KIAA1328: variants seen among roughly 807,000 people sequenced by gnomAD.
KIAA1328 encodes protein hinderin.
In KIAA1328, 52 loss-of-function variants were observed where a neutral mutation model predicts 68.1. That is an observed-to-expected ratio of 0.76 (90% confidence interval 0.61 to 0.96). The LOEUF (loss-of-function observed/expected upper bound fraction) is 0.96. Ranked by LOEUF, KIAA1328 falls within the 40% of genes least tolerant of loss-of-function variation. KIAA1328 has a pLI of 0.00. For synonymous variants in KIAA1328, 232 were observed against 239.4 expected (o/e 0.97, Z 0.28); for missense variants, 641 against 677.6 (o/e 0.95, Z 0.60).
intron 6 of KIAA1328, among the ~76,000 whole-genome samples, chr18:36,982,121 T>G (rs1345304519): frequency 7.3e-6 from 1 of 137,036 alleles, no homozygotes; most frequent in East Asian, 2.0e-4. Context: ...ATATAATATA[T>G]AAATATATTA....
intron 5 of KIAA1328, among the ~76,000 whole-genome samples, chr18:36,891,310 T>G (rs2048678450): frequency 1.3e-5 from 2 of 152,322 alleles, no homozygotes; most frequent in African/African-American, 4.8e-5. Flanking sequence ...GTTTTAATTA[T>G]TTTATTTCAC....
intron 1 of KIAA1328, chr18:36,832,769 A>G (rs1244745051): frequency 6.6e-6 from 1 of 151,600 alleles, no homozygotes; most frequent in Non-Finnish European, 1.5e-5. Flanking sequence ...AAAAATCATT[A>G]CCCTCTTGGT....
intron 7 of KIAA1328, among the ~76,000 whole-genome samples, chr18:37,140,622 A>G (rs1411518773): frequency 6.6e-6 from 1 of 152,194 alleles, no homozygotes; most frequent in Non-Finnish European, 1.5e-5. Context: ...AAATATGGAA[A>G]TAGAGTTCAG....
Position 37,129,537 on chromosome 18 carries a change from T to C in KIAA1328, c.1233-30663T>C, listed in dbSNP as rs181458951. On this transcript the variant is annotated intron_variant, in intron 7 of 9. Transcript: ENST00000280020. ...GTGTACAGGTATGAAACAACTTAAT[T>C]TGTGGCATGATTCTGAGAAATTGAA... Among the ~76,000 whole-genome samples, 246 of 152,302 alleles carry C rather than the reference T, an allele frequency of 1.6e-3. 1 individual carries two copies. Among genetic ancestry groups the C allele is most frequent in the African/African-American group, 5.5e-3 (229 of 41,562 alleles).
chr18:37,143,746 CTT>C (rs1272017450), intron 7 of KIAA1328, among the ~76,000 whole-genome samples: 1 of 151,838 alleles, frequency 6.6e-6, no homozygotes, highest in African/African-American at 2.4e-5. Context: ...TTAATCATAA[CTT>C]TATCAAATGC....
At chr18:37,031,742 C>T (rs958049347) in intron 6 of KIAA1328, among the ~76,000 whole-genome samples, 1 of 152,052 alleles carries the variant, frequency 6.6e-6, no homozygotes, top group African/African-American at 2.4e-5. Flanking sequence ...TTTTCAGTTT[C>T]ATATTTAGGG....
intron 5 of KIAA1328, among the ~76,000 whole-genome samples, chr18:36,906,735 A>T (rs1020563398): frequency 6.6e-6 from 1 of 152,122 alleles, no homozygotes; most frequent in African/African-American, 2.4e-5. Flanking sequence ...TTTGGTAATT[A>T]TGAAAGAGCT....
At position 36,884,516 on chromosome 18, in the gene KIAA1328, T is replaced by TAC. The variant is rs535296838; in HGVS notation, c.333-1041_333-1040insAC. Among the ~76,000 whole-genome samples, 213 of 152,320 alleles carry TAC rather than the reference T, an allele frequency of 1.4e-3. 2 individuals carry two copies. The highest frequency in any genetic ancestry group is 5.0e-3 in the African/African-American group (206 of 41,584). ...CATTCATGATTCTAATTTTCAGTTATCCTGTTGATTTCAATATCTCTAACA... is the reference window on the plus strand; with the variant it reads ...CATTCATGATTCTAATTTTCAGTTATACCCTGTTGATTTCAATATCTCTAACA... On this transcript the variant is annotated intron_variant, in intron 4 of 9. Transcript: ENST00000280020.
chr18:37,229,703 T>C, downstream of KIAA1328: 1 of 375,910 alleles, frequency 2.7e-6, no homozygotes, highest in Non-Finnish European at 4.8e-6. Flanking sequence ...TGAAACCCCA[T>C]CTCTGTATTT....
At chr18:37,214,797 T>C (rs1267600602) in intron 9 of KIAA1328, among the ~76,000 whole-genome samples, 3 of 152,180 alleles carry the variant, frequency 2.0e-5, no homozygotes, top group Non-Finnish European at 4.4e-5. Flanking sequence ...GAATGGTTCT[T>C]CCATTTGTTT....
chr18:36,915,105 A>G (rs955410156), intron 5 of KIAA1328, among the ~76,000 whole-genome samples: 3 of 152,332 alleles, frequency 2.0e-5, no homozygotes, highest in African/African-American at 7.2e-5. Flanking sequence ...AGATGAAAAA[A>G]GTTAGAAAAC....
intron 4 of KIAA1328, among the ~76,000 whole-genome samples, chr18:36,868,167 T>A (rs1306669873): frequency 1.3e-5 from 2 of 152,090 alleles, no homozygotes; most frequent in South Asian, 2.1e-4. Context: ...CAAAGAGAAA[T>A]TAGGGGTATA....
chr18:37,140,573 G>C (rs1458970455), intron 7 of KIAA1328, among the ~76,000 whole-genome samples: 1 of 151,810 alleles, frequency 6.6e-6, no homozygotes, highest in Non-Finnish European at 1.5e-5. Context: ...CCTAAATCAG[G>C]GCTACTCAAA....
At chr18:37,182,596 A>C (rs2059718746) in intron 9 of KIAA1328, among the ~76,000 whole-genome samples, 1 of 152,122 alleles carries the variant, frequency 6.6e-6, no homozygotes, top group African/African-American at 2.4e-5. Flanking sequence ...AATCAGGAAC[A>C]AGCTAGGATT....
At chr18:37,118,464 A>C (rs1481067150) in intron 7 of KIAA1328, among the ~76,000 whole-genome samples, 1 of 151,984 alleles carries the variant, frequency 6.6e-6, no homozygotes, top group African/African-American at 2.4e-5. Flanking sequence ...CATTGACTTT[A>C]CTCACAGAAC....
At chr18:37,042,175 G>A (rs1393004267) in intron 6 of KIAA1328, among the ~76,000 whole-genome samples, 1 of 152,148 alleles carries the variant, frequency 6.6e-6, no homozygotes, top group Non-Finnish European at 1.5e-5. Flanking sequence ...TGGGATTGCA[G>A]GGATGAGCCA....
At chr18:37,174,199 G>T (rs2154214098) in intron 9 of KIAA1328, among the ~76,000 whole-genome samples, 1 of 152,164 alleles carries the variant, frequency 6.6e-6, no homozygotes, top group Non-Finnish European at 1.5e-5. Flanking sequence ...CAGAGATATT[G>T]AAGAACAGTC....
Position 37,149,701 on chromosome 18 carries a change from G to A in KIAA1328, c.1233-10499G>A, listed in dbSNP as rs1268813120. 3.3e-5 allele frequency among the ~76,000 whole-genome samples: 5 copies of A among 152,120 alleles called. No homozygotes were observed. In the East Asian group the frequency reaches 9.6e-4, roughly 29 times the overall value. ...ACCACTGTCATATATTTGGTCAATT[G>A]TTGACTGAAACCTCATGATAGAGTC... On this transcript the variant is annotated intron_variant, in intron 7 of 9. Transcript: ENST00000280020.
chr18:37,052,628 T>C (rs1225116534), intron 6 of KIAA1328, among the ~76,000 whole-genome samples: 1 of 150,930 alleles, frequency 6.6e-6, no homozygotes, highest in Non-Finnish European at 1.5e-5. Flanking sequence ...CTAGAATCAA[T>C]AAACAAATTC....
Sources: allele counts gnomAD v4.1 joint callset (sites outside exome capture counted in the v4.1 genomes callset), GRCh38; gene constraint gnomAD v4.1.1; transcripts MANE v1.5; gene names NCBI Gene and HGNC (gene_info 2026-07-23, HGNC 2026-07-21).